Variants in MAPKAPK2 observed in about 807,000 individuals in gnomAD.
The protein encoded by MAPKAPK2 is MAP kinase-activated protein kinase 2.
MAPKAPK2 carries 9 observed loss-of-function variants against 48.8 expected under a neutral mutation model. That is an observed-to-expected ratio of 0.18 (90% CI 0.11 to 0.32). The LOEUF (loss-of-function observed/expected upper bound fraction) is 0.32. Among genes scored for constraint, MAPKAPK2 ranks in the 10% least tolerant of loss-of-function variants. MAPKAPK2 has a pLI of 1.00. For synonymous variants in MAPKAPK2, 202 were observed against 190.6 expected, an observed-to-expected ratio of 1.06 and a Z score of -0.49; for missense variants, 331 against 498.3, an observed-to-expected ratio of 0.66 and a Z score of 3.20.
At chr1:206,713,383 G>T (rs555719978) in intron 1 of MAPKAPK2, among the ~76,000 whole-genome samples, 3 of 152,332 alleles carry the variant, frequency 2.0e-5, no homozygotes, top group Non-Finnish European at 4.4e-5. Context: ...TAGGGGATGT[G>T]TTGGGAGGTT....
At chr1:206,715,799 T>A (rs1673309542) in intron 1 of MAPKAPK2, among the ~76,000 whole-genome samples, 1 of 151,700 alleles carries the variant, frequency 6.6e-6, no homozygotes, top group Non-Finnish European at 1.5e-5. Context: ...GCTAATTTTT[T>A]AAATTATTCA....
intron 1 of MAPKAPK2, among the ~76,000 whole-genome samples, chr1:206,687,805 C>T (rs953872656): frequency 6.6e-6 from 1 of 152,196 alleles, no homozygotes. Context: ...GGGATTACCC[C>T]CTTGGGAAGG....
At chr1:206,717,068 T>G (rs1673358265) in intron 1 of MAPKAPK2, among the ~76,000 whole-genome samples, 1 of 152,280 alleles carries the variant, frequency 6.6e-6, no homozygotes, top group East Asian at 1.9e-4. Flanking sequence ...ACGAGTCACT[T>G]AGGAGGGGAC....
rs1439227394 is a variant in MAPKAPK2, at chr1:206,733,882, G to A, written c.*1164G>A. 6.5e-6 allele frequency: 1 copy of A among 152,764 alleles called. No homozygotes were observed. Among genetic ancestry groups the A allele is most frequent in the Non-Finnish European group, 1.5e-5 (1 of 68,062 alleles). The allele number at this position is 152,764 out of a possible 1,614,324, so 9.5% of individuals were successfully genotyped here. On this transcript the variant is annotated 3_prime_UTR_variant, in exon 10 of 10. Transcript: ENST00000367103. The stretch of plus-strand genomic sequence containing the variant: ...TGAAGTCTTCCCTCAGATTTCCATT[G>A]TGTGGCCTGGTGGGTCAGGGGGAGT...
chr1:206,729,556 G>A, intron 4 of MAPKAPK2, 81 bp downstream of exon 4: 1 of 1,214,334 alleles, frequency 8.2e-7, no homozygotes, highest in Non-Finnish European at 1.2e-6. Context: ...ATGGTTGCCA[G>A]GCCACCCTGC....
At chr1:206,689,682 C>G (rs1672394880) in intron 1 of MAPKAPK2, among the ~76,000 whole-genome samples, 1 of 152,152 alleles carries the variant, frequency 6.6e-6, no homozygotes, top group Non-Finnish European at 1.5e-5. Context: ...TAGGCTAGGG[C>G]TGCACTGTCC....
chr1:206,687,205 A>C (rs1553425718), intron 1 of MAPKAPK2, among the ~76,000 whole-genome samples: 1 of 152,242 alleles, frequency 6.6e-6, no homozygotes, highest in Non-Finnish European at 1.5e-5. Context: ...TTATGTAAAG[A>C]CTTCAGAACA....
intron 1 of MAPKAPK2, among the ~76,000 whole-genome samples, chr1:206,722,945 C>T (rs1019763718): frequency 6.6e-6 from 1 of 152,232 alleles, no homozygotes; most frequent in South Asian, 2.1e-4. Flanking sequence ...GTGTGACACA[C>T]GTGGCTTTCC....
intron 1 of MAPKAPK2, among the ~76,000 whole-genome samples, chr1:206,723,753 T>C (rs1270599731): frequency 6.6e-6 from 1 of 151,748 alleles, no homozygotes; most frequent in Non-Finnish European, 1.5e-5. Context: ...GGGGGAGGGG[T>C]CCTGTCCTTC....
At chr1:206,695,888 G>A (rs970820676) in intron 1 of MAPKAPK2, 17 of 582,296 alleles carry the variant, frequency 2.9e-5, no homozygotes, top group Admixed American at 1.1e-4. Flanking sequence ...TGGGAGTGAC[G>A]TCCTCAATCT....
intron 1 of MAPKAPK2, among the ~76,000 whole-genome samples, chr1:206,687,858 G>T (rs782223136): frequency 6.6e-6 from 1 of 152,202 alleles, no homozygotes; most frequent in African/African-American, 2.4e-5. Context: ...ACAGTGTGCC[G>T]AGGCCAATGC....
intron 1 of MAPKAPK2, among the ~76,000 whole-genome samples, chr1:206,686,561 A>G (rs967842897): frequency 5.3e-5 from 8 of 152,138 alleles, no homozygotes; most frequent in Non-Finnish European, 1.0e-4. Context: ...GTGACGCCTC[A>G]GGTCTGTTTC....
At chr1:206,706,244 G>T (rs1672955913) in intron 1 of MAPKAPK2, among the ~76,000 whole-genome samples, 1 of 151,960 alleles carries the variant, frequency 6.6e-6, no homozygotes, top group Non-Finnish European at 1.5e-5. Flanking sequence ...GCTAGGGGAG[G>T]TGTCCTTCAT....
intron 1 of MAPKAPK2, among the ~76,000 whole-genome samples, chr1:206,687,429 GAGTGA>G (rs1672322371): frequency 6.6e-6 from 1 of 152,242 alleles, no homozygotes; most frequent in Non-Finnish European, 1.5e-5. Flanking sequence ...AGTGGGCGAA[GAGTGA>G]AGTCAGTCTG....
chr1:206,732,923 G>C lies in MAPKAPK2; in HGVS notation c.*205G>C, dbSNP rs1475974042. On this transcript the variant is annotated 3_prime_UTR_variant, in exon 10 of 10. Transcript: ENST00000367103. This position sits in a 1 kb window ranked among gnomAD's most constrained non-coding sequence, Gnocchi z 4.4. ...CTGGGAGGTTGGGAGGCTGTGGAGA[G>C]AAGTGAGCAAGGTGCTCTTGAACCT... 1.7e-6 allele frequency: 1 copy of C among 577,104 alleles called. No individual in the cohort carries two copies. The highest frequency in any genetic ancestry group is 2.9e-5 in the East Asian group (1 of 34,356). 35.7% of individuals were successfully genotyped at this position (577,104 alleles called of 1,614,324 possible). A position where few individuals can be genotyped will look rare whatever the true frequency, so the allele number is the denominator to read the frequency against.
intron 2 of MAPKAPK2, 76 bp from the exon 3 acceptor site, chr1:206,728,959 C>T (rs1226960063): frequency 6.2e-7 from 1 of 1,611,946 alleles, no homozygotes; most frequent in Non-Finnish European, 8.5e-7. Context: ...AATGTAAACA[C>T]TTGATTTTTT....
In MAPKAPK2 at chr1:206,732,346, C is replaced by G; in HGVS notation, c.1060-229C>G. The G allele has an allele frequency of 2.1e-6, 3 of 1,443,940 alleles. No individual in the cohort carries two copies. The highest frequency in any genetic ancestry group is 2.7e-6 in the Non-Finnish European group (3 of 1,102,084). The allele number at this position is 1,443,940 out of a possible 1,614,324, so 89.4% of individuals were successfully genotyped here. On this transcript the variant is annotated intron_variant, in intron 9 of 9. Transcript: ENST00000367103. The surrounding 1 kb of genome is among the most constrained non-coding windows in gnomAD (Gnocchi z 4.4). ...TATCCTGCGGGATCACTGGGGGGCTCTCAGGGAACAGCAGCAGTGCCATAG... is the reference window on the plus strand; with the variant it reads ...TATCCTGCGGGATCACTGGGGGGCTGTCAGGGAACAGCAGCAGTGCCATAG...
chr1:206,719,415 G>A (rs1396414006), intron 1 of MAPKAPK2, among the ~76,000 whole-genome samples: 19 of 152,092 alleles, frequency 1.2e-4, no homozygotes, highest in African/African-American at 4.6e-4. Flanking sequence ...TTTTGGGTAG[G>A]GACTTTTCCC....
At position 206,685,042 on chromosome 1, in the gene MAPKAPK2, A is replaced by C; in HGVS notation, c.-188A>C. 1.9e-5 allele frequency: 3 copies of C among 158,334 alleles called. No homozygotes were observed. The highest frequency in any genetic ancestry group is 2.2e-4 in the South Asian group (1 of 4,536). The allele number at this position is 158,334 out of a possible 1,614,324, so 9.8% of individuals were successfully genotyped here. A position where few individuals can be genotyped will look rare whatever the true frequency, so the allele number is the denominator to read the frequency against. ...GGAGGGCGCCGGGCCGGTGGGAGCC[A>C]GCGGCGCGCGGTGGGACCCACGGAG... On this transcript the variant is annotated 5_prime_UTR_variant, in exon 1 of 10. Transcript: ENST00000367103.
Sources: gnomAD v4.1 joint callset for allele counts (sites outside exome capture counted in the v4.1 genomes callset) on GRCh38, gnomAD v4.1.1 for gene constraint, Gnocchi (gnomAD v3.1) non-coding constraint, MANE v1.5 for transcripts, NCBI Gene and HGNC (gene_info 2026-07-23, HGNC 2026-07-21) for gene names.